FAM90A26: variants seen among roughly 807,000 people sequenced by gnomAD.
FAM90A26 encodes the protein family with sequence similarity 90 member A26.
exon 7 of FAM90A26, chr4:9,176,395 C>T (rs3961217): frequency 1.3e-5 from 1 of 74,618 alleles, no homozygotes; most frequent in Non-Finnish European, 2.6e-5. Context: ...TCTCCGGAAA[C>T]GCGCCAGGAA....
chr4:9,176,420 G>C lies in FAM90A26; in HGVS notation c.*253G>C. 2.9e-5 allele frequency: 2 copies of C among 69,504 alleles called. 1 individual carries two copies. Among genetic ancestry groups the C allele is most frequent in the Non-Finnish European group, 5.7e-5 (2 of 35,286 alleles). The allele number at this position is 69,504 out of a possible 1,614,324, so 4.3% of individuals were successfully genotyped here. A position where few individuals can be genotyped will look rare whatever the true frequency, so the allele number is the denominator to read the frequency against. On this transcript the variant is annotated 3_prime_UTR_variant, in exon 7 of 7. Coordinates refer to ENST00000512047, the Ensembl canonical transcript of FAM90A26. ...CGCGCCAGGAAAAGCTTCCGTGCCA[G>C]AGAGATTCGTTGCCTCAGAAACTGC...
rs1321027922 is a variant in FAM90A26 at position 9,170,769 on chromosome 4, C to A, written c.-421+247C>A. Among the ~76,000 whole-genome samples, 3 of 23,778 alleles carry A rather than the reference C, an allele frequency of 1.3e-4. 1 individual carries two copies. The allele number at this position is 23,778 out of a possible 152,430, so 15.6% of individuals were successfully genotyped here. On this transcript the variant is annotated intron_variant, in intron 1 of 6. Coordinates refer to ENST00000512047, the Ensembl canonical transcript of FAM90A26. ...GACCAGCAGCTGGCCCAGACCCCGC[C>A]TCTTCCCACACCGCTTCCGCTTTTC...
chr4:9,172,490 G>T (rs1577259135), intron 3 of FAM90A26, among the ~76,000 whole-genome samples: 1 of 42,424 alleles, frequency 2.4e-5, no homozygotes, highest in Non-Finnish European at 5.5e-5. Flanking sequence ...CTTGTTCACC[G>T]TTTGTTTAGA....
chr4:9,172,487 A>C (rs184112527), intron 3 of FAM90A26, among the ~76,000 whole-genome samples: 10,117 of 39,732 alleles, frequency 0.25, 2,477 homozygotes, highest in African/African-American at 0.51. Context: ...GCACTTGTTC[A>C]CCGTTTGTTT....
rs760080529 is a variant in FAM90A26 at position 9,175,760 on chromosome 4, T to A, written c.988T>A (p.Tyr330Asn). 79 of 210,616 alleles carry A rather than the reference T, an allele frequency of 3.8e-4. 36 individuals are homozygous for A. Among genetic ancestry groups the A allele is most frequent in the South Asian group, 3.6e-3 (79 of 21,650 alleles). 13.0% of individuals were successfully genotyped at this position (210,616 alleles called of 1,614,324 possible). A position where few individuals can be genotyped will look rare whatever the true frequency, so the allele number is the denominator to read the frequency against. The change falls in exon 7 of 7, where the codon TAT becomes AAT. Residue 330 changes from tyrosine to asparagine, a missense_variant. Tyr to Asn is a moderately radical substitution (Grantham distance 143). Coordinates refer to ENST00000512047, the Ensembl canonical transcript of FAM90A26. ...GGGAGGTGAGCTGGGGGCCCCGGAG[T>A]ATCTCCAACCTCCGCCGGCAACAAC...
intron 1 of FAM90A26, 79 bp from the exon 2 acceptor site, chr4:9,171,453 G>T (rs1713432738): frequency 4.1e-5 from 1 of 24,350 alleles, no homozygotes; most frequent in Non-Finnish European, 8.6e-5. Flanking sequence ...CCAATGCCTG[G>T]AGTCGCAAGA....
chr4:9,174,031 C>G lies in FAM90A26; in HGVS notation c.323+42C>G. On this transcript the variant is annotated intron_variant, in intron 5 of 6. Coordinates refer to ENST00000512047, the Ensembl canonical transcript of FAM90A26. ...GTTTTCACCACTCTTAGGGCACTGC[C>G]TCCTAAGGACATGGTGTCTGTGCAC... The G allele has an allele frequency of 2.6e-5, 4 of 151,108 alleles. 2 individuals are homozygous for G. Among genetic ancestry groups the G allele is most frequent in the Non-Finnish European group, 4.9e-5 (4 of 81,760 alleles). 9.4% of individuals were successfully genotyped at this position (151,108 alleles called of 1,614,324 possible). A position where few individuals can be genotyped will look rare whatever the true frequency, so the allele number is the denominator to read the frequency against.
chr4:9,172,405 G>A (rs1264419448), intron 3 of FAM90A26, among the ~76,000 whole-genome samples: 1 of 39,650 alleles, frequency 2.5e-5, no homozygotes, highest in African/African-American at 7.6e-5. Context: ...TGAATTGGTG[G>A]GTAAATGGAA....
At chr4:9,170,410 G>T (rs186829344) in exon 1 of FAM90A26, 1 of 155,556 alleles carries the variant, frequency 6.4e-6, no homozygotes, top group South Asian at 4.9e-5. Context: ...GCCCCATCTG[G>T]GCCCTTCCAG....
In FAM90A26 at chr4:9,170,767, G is replaced by A. The variant is rs1218792681; in HGVS notation, c.-421+245G>A. On this transcript the variant is annotated intron_variant, in intron 1 of 6. Coordinates refer to ENST00000512047, the Ensembl canonical transcript of FAM90A26. ...AGGACCAGCAGCTGGCCCAGACCCC[G>A]CCTCTTCCCACACCGCTTCCGCTTT... 0.01 allele frequency among the ~76,000 whole-genome samples: 239 copies of A among 23,652 alleles called. 53 individuals carry two copies. The East Asian group carries it at 0.11, about 11-fold the overall frequency. 15.5% of individuals were successfully genotyped at this position (23,652 alleles called of 152,430 possible). A position where few individuals can be genotyped will look rare whatever the true frequency, so the allele number is the denominator to read the frequency against.
rs185894628 is a variant in FAM90A26 at position 9,176,116 on chromosome 4, G to A, written c.1344G>A (p.Glu448=). 2 of 230,972 alleles carry A rather than the reference G, an allele frequency of 8.7e-6. 1 individual carries two copies. The highest frequency in any genetic ancestry group is 1.3e-4 in the Admixed American group (2 of 14,930). The allele number at this position is 230,972 out of a possible 1,614,324, so 14.3% of individuals were successfully genotyped here. A position where few individuals can be genotyped will look rare whatever the true frequency, so the allele number is the denominator to read the frequency against. The change falls in exon 7 of 7, where the codon GAG becomes GAA. Residue 448 remains glutamate (E), a synonymous_variant. Transcript: ENST00000512047. ...GTGTCCCACCGAACGTCCTCTATGAGGACCTTCAGGTTTCCTCCTCCTCAG... is the reference window on the plus strand; with the variant it reads ...GTGTCCCACCGAACGTCCTCTATGAAGACCTTCAGGTTTCCTCCTCCTCAG...
In FAM90A26 at chr4:9,176,079, T is replaced by C. The variant is rs184566339; in HGVS notation, c.1307T>C (p.Val436Ala). The change falls in exon 7 of 7, where the codon GTT becomes GCT. Residue 436 changes from valine to alanine, a missense_variant. Physicochemically the swap from Val to Ala is moderately conservative, Grantham distance 64. Coordinates refer to ENST00000512047, the Ensembl canonical transcript of FAM90A26. ...CCTCATGTCTCAGAGAAGTCTGAGG[T>C]TCCCCGTGTTCGTGTCCCACCGAAC... The C allele has an allele frequency of 1.6e-3, 401 of 257,564 alleles. 190 individuals are homozygous for C. The East Asian group carries it at 0.045, about 29-fold the overall frequency. 16.0% of individuals were successfully genotyped at this position (257,564 alleles called of 1,614,324 possible). A position where few individuals can be genotyped will look rare whatever the true frequency, so the allele number is the denominator to read the frequency against.
exon 7 of FAM90A26, chr4:9,175,259 C>A (rs1306588523): frequency 3.6e-6 from 1 of 274,640 alleles, no homozygotes; most frequent in Non-Finnish European, 5.2e-6. Context: ...GCGTGTGGAC[C>A]CTGTCCTCGC....
In FAM90A26 at chr4:9,173,648, A is replaced by C; in HGVS notation, c.124-142A>C. On this transcript the variant is annotated intron_variant, in intron 4 of 6. Coordinates refer to ENST00000512047, the Ensembl canonical transcript of FAM90A26. ...GGGAACATCGCATCCGAACTCTCTC[A>C]GCACTTAACGGCCCCCATGCCGGTG... 1.8e-5 allele frequency: 2 copies of C among 112,542 alleles called. 1 individual carries two copies. Among genetic ancestry groups the C allele is most frequent in the South Asian group, 1.4e-4 (2 of 14,492 alleles). The allele number at this position is 112,542 out of a possible 1,614,324, so 7.0% of individuals were successfully genotyped here.
rs577755552 is a variant in FAM90A26 at position 9,173,585 on chromosome 4, C to T, written c.124-205C>T. 2.2e-3 allele frequency among the ~76,000 whole-genome samples: 54 copies of T among 24,214 alleles called. 25 individuals carry two copies. In the South Asian group the frequency reaches 0.04, roughly 18 times the overall value. The allele number at this position is 24,214 out of a possible 152,430, so 15.9% of individuals were successfully genotyped here. A position where few individuals can be genotyped will look rare whatever the true frequency, so the allele number is the denominator to read the frequency against. On this transcript the variant is annotated intron_variant, in intron 4 of 6. Transcript: ENST00000512047. Reference sequence around the variant, plus strand: ...ATCGTGCCCCTTAGAACCTTGAGTCCTGCCTTTTAGAGTTCCTCCGTCACA... The same window carrying T: ...ATCGTGCCCCTTAGAACCTTGAGTCTTGCCTTTTAGAGTTCCTCCGTCACA...
At chr4:9,172,446 C>G (rs1464289357) in intron 3 of FAM90A26, among the ~76,000 whole-genome samples, 11 of 40,940 alleles carry the variant, frequency 2.7e-4, no homozygotes, top group African/African-American at 8.7e-4. Flanking sequence ...GTGGTTTGCC[C>G]TTCAGCCGTG....
In FAM90A26 at chr4:9,173,703, G is replaced by A. The variant is rs1268709788; in HGVS notation, c.124-87G>A. The A allele has an allele frequency of 2.4e-5, 3 of 124,410 alleles. 1 individual carries two copies. Among genetic ancestry groups the A allele is most frequent in the Non-Finnish European group, 4.6e-5 (3 of 65,914 alleles). 7.7% of individuals were successfully genotyped at this position (124,410 alleles called of 1,614,324 possible). The stretch of plus-strand genomic sequence containing the variant: ...CTCTTTGGAATCCTTATTCAGCTCT[G>A]AATTCACAATCCGTCTCAATGTTGA... On this transcript the variant is annotated intron_variant, in intron 4 of 6. Coordinates refer to ENST00000512047, the Ensembl canonical transcript of FAM90A26.
Position 9,173,122 on chromosome 4 carries a change from C to T in FAM90A26, c.-51C>T. The T allele has an allele frequency of 9.4e-6, 2 of 212,348 alleles. 1 individual carries two copies. Among genetic ancestry groups the T allele is most frequent in the Non-Finnish European group, 1.4e-5 (2 of 139,178 alleles). 13.2% of individuals were successfully genotyped at this position (212,348 alleles called of 1,614,324 possible). On this transcript the variant is annotated 5_prime_UTR_variant, in exon 4 of 7. Transcript: ENST00000512047. ...TGTGTTTGTGTGTGTTTCAGGTGAC[C>T]CAAAAATCAACCCCTGAAAAAGGCG...
At position 9,176,084 on chromosome 4, in the gene FAM90A26, C is replaced by A; in HGVS notation, c.1312C>A (p.Arg438Ser). ...TGTCTCAGAGAAGTCTGAGGTTCCC[C>A]GTGTTCGTGTCCCACCGAACGTCCT... is the stretch of plus-strand genomic sequence containing the variant. The change falls in exon 7 of 7, where the codon CGT becomes AGT. Residue 438 changes from arginine (R) to serine (S), a missense_variant. Transcript: ENST00000512047. 1.6e-5 allele frequency: 4 copies of A among 253,116 alleles called. 2 individuals are homozygous for A. Among genetic ancestry groups the A allele is most frequent in the Non-Finnish European group, 2.3e-5 (4 of 174,896 alleles). 15.7% of individuals were successfully genotyped at this position (253,116 alleles called of 1,614,324 possible).
Sources: allele counts gnomAD v4.1 joint callset (sites outside exome capture counted in the v4.1 genomes callset), GRCh38; gene constraint gnomAD v4.1.1; transcripts MANE v1.5; gene names NCBI Gene and HGNC (gene_info 2026-07-23, HGNC 2026-07-21).